IL16: variants seen among roughly 807,000 people sequenced by gnomAD.
IL16 encodes the protein interleukin 16.
In IL16, 67 loss-of-function variants were observed where a neutral mutation model predicts 110.1. The ratio of observed to expected loss-of-function variants is 0.61; its 90% CI spans 0.50 to 0.75. The LOEUF (loss-of-function observed/expected upper bound fraction) is 0.75. Ranked by LOEUF, IL16 falls within the 30% of genes least tolerant of loss-of-function variation. IL16 has a pLI of 0.00. For synonymous variants in IL16, 689 were observed against 662.9 expected, an observed-to-expected ratio of 1.04 and a Z score of -0.61; for missense variants, 1,545 against 1,655.0, an observed-to-expected ratio of 0.93 and a Z score of 1.15.
rs1898088135 is a variant in IL16 at position 81,259,877 on chromosome 15, A to G, written c.418A>G (p.Thr140Ala). 6.3e-7 allele frequency: 1 copy of G among 1,585,982 alleles called. No individual in the cohort carries two copies. The highest frequency in any genetic ancestry group is 1.7e-5 in the Admixed American group (1 of 59,954). ...CCACCAAAGGGCACGCAGCAACTCA[A>G]CCAGTAAGTGTCTTCCCAACATGTC... The part of the protein sequence containing the change: ...ACHQRARSNS[T>A]SVNPYCTREI... Residue 140 changes from threonine to alanine, a missense_variant, in exon 3 of 19, where the codon ACC (threonine) becomes GCC (alanine). Thr to Ala is a moderately conservative substitution (Grantham distance 58, BLOSUM62 0). Coordinates refer to ENST00000683961, the MANE Select transcript of IL16 (RefSeq NM_172217.5).
chr15:81,280,035 CAG>C (rs143652892), intron 8 of IL16, among the ~76,000 whole-genome samples: 19 of 151,130 alleles, frequency 1.3e-4, no homozygotes, highest in Non-Finnish European at 1.6e-4. Context: ...CAAAAATACC[CAG>C]AGAGAGAGAG....
intron 12 of IL16, among the ~76,000 whole-genome samples, chr15:81,296,053 CA>C (rs1189390457): frequency 6.6e-6 from 1 of 152,048 alleles, no homozygotes; most frequent in Non-Finnish European, 1.5e-5. Context: ...TCTTTTTTTC[CA>C]GATGGGTATT....
At chr15:81,204,269 C>T (rs1895929402) in intron 1 of IL16, among the ~76,000 whole-genome samples, 1 of 151,778 alleles carries the variant, frequency 6.6e-6, no homozygotes, top group South Asian at 2.1e-4. Flanking sequence ...CATCTGCAAA[C>T]AGGGACAATT....
In IL16 at chr15:81,259,866, G is replaced by A. The variant is rs1390094848; in HGVS notation, c.407G>A (p.Arg136His). 9.3e-6 allele frequency: 15 copies of A among 1,607,690 alleles called. No homozygotes were observed. The highest frequency in any genetic ancestry group is 8.9e-5 in the East Asian group (4 of 44,858). The stretch of plus-strand genomic sequence containing the variant: ...CCTAAAGCCTGCCACCAAAGGGCAC[G>A]CAGCAACTCAACCAGTAAGTGTCTT... Reference protein sequence around the residue: ...LFPKACHQRARSNSTSVNPYC... With the variant: ...LFPKACHQRAHSNSTSVNPYC... The change falls in exon 3 of 19, where the codon CGC becomes CAC. Residue 136 changes from arginine to histidine, a missense_variant. Arg to His is a conservative substitution (Grantham distance 29). Around this residue, in one of 3 missense-constraint regions of IL16, gnomAD observed 1,185 missense variants for 1,238.8 expected, o/e 0.96. Transcript: ENST00000683961.
chr15:81,299,452 C>T lies in IL16; in HGVS notation c.2126C>T (p.Thr709Ile), dbSNP rs762489562. The T allele has an allele frequency of 1.5e-5, 25 of 1,614,224 alleles. No homozygotes were observed. Among genetic ancestry groups the T allele is most frequent in the Non-Finnish European group, 2.1e-5 (25 of 1,180,050 alleles). The change falls in exon 14 of 19, where the codon ACA (threonine) becomes ATA (isoleucine). Residue 709 changes from threonine to isoleucine, a missense_variant. Physicochemically the swap from Thr to Ile is moderately conservative, Grantham distance 89 (BLOSUM62 -1). Coordinates refer to ENST00000683961, the MANE Select transcript of IL16 (RefSeq NM_172217.5). ...QARMDYSFDT[T>I]AEDPWVRISD... ...CGGATGGACTATAGCTTTGATACCACAGCCGAAGACCCTTGGGTTAGGATT... is the reference window on the plus strand; with the variant it reads ...CGGATGGACTATAGCTTTGATACCATAGCCGAAGACCCTTGGGTTAGGATT...
At position 81,292,734 on chromosome 15, in the gene IL16, G is replaced by T; in HGVS notation, c.1599G>T (p.Pro533=). The T allele has an allele frequency of 6.2e-7, 1 of 1,614,180 alleles. No individual in the cohort carries two copies. The highest frequency in any genetic ancestry group is 8.5e-7 in the Non-Finnish European group (1 of 1,180,034). The change falls in exon 12 of 19, where the codon CCG becomes CCT. Residue 533 remains proline (P), a synonymous_variant. Transcript: ENST00000683961. ...GSPGSGSAEK[P]SSDVDISTHS... is the part of the protein sequence containing the mutation. Reference sequence around the variant, plus strand: ...CTGGGAGTGGCAGTGCTGAGAAGCCGTCCTCTGACGTGGACATCAGCACAC... The same window carrying T: ...CTGGGAGTGGCAGTGCTGAGAAGCCTTCCTCTGACGTGGACATCAGCACAC...
At chr15:81,223,045 C>T (rs987007355) in intron 1 of IL16, among the ~76,000 whole-genome samples, 3 of 152,114 alleles carry the variant, frequency 2.0e-5, no homozygotes, top group African/African-American at 7.2e-5. Flanking sequence ...AAGCTTAAAA[C>T]GTATGTATTC....
chr15:81,285,226 A>G (rs556916116), intron 9 of IL16, among the ~76,000 whole-genome samples: 1 of 152,238 alleles, frequency 6.6e-6, no homozygotes, highest in African/African-American at 2.4e-5. Context: ...CTTTTAGCAC[A>G]TGTAGGATGT....
chr15:81,307,834 C>T (rs1900649546), intron 18 of IL16, among the ~76,000 whole-genome samples: 1 of 152,192 alleles, frequency 6.6e-6, no homozygotes, highest in East Asian at 1.9e-4. Context: ...TTGGTTTCCT[C>T]AGCTGTTAAA....
intron 2 of IL16, among the ~76,000 whole-genome samples, chr15:81,237,376 A>G (rs1247315047): frequency 6.6e-6 from 1 of 152,210 alleles, no homozygotes; most frequent in Non-Finnish European, 1.5e-5. Flanking sequence ...CCAGTTTAGA[A>G]GAATGTCTGA....
chr15:81,184,929 T>G (rs1895396612), intron 1 of IL16, among the ~76,000 whole-genome samples: 2 of 152,176 alleles, frequency 1.3e-5, no homozygotes, highest in Non-Finnish European at 2.9e-5. Context: ...GGATGTGTCC[T>G]CAATAATAGT....
intron 2 of IL16, among the ~76,000 whole-genome samples, chr15:81,226,147 A>G (rs900010603): frequency 6.6e-5 from 10 of 152,294 alleles, no homozygotes; most frequent in Admixed American, 5.9e-4. Flanking sequence ...GGGGTGCCGG[A>G]TGAGTGAGTT....
At chr15:81,286,753 G>A (rs1230504745) in intron 10 of IL16, among the ~76,000 whole-genome samples, 1 of 152,122 alleles carries the variant, frequency 6.6e-6, no homozygotes, top group South Asian at 2.1e-4. Context: ...GAAAAGAGAA[G>A]GGGCAATGTA....
chr15:81,271,046 C>T (rs142937540), intron 5 of IL16, among the ~76,000 whole-genome samples: 1 of 152,202 alleles, frequency 6.6e-6, no homozygotes, highest in East Asian at 1.9e-4. Context: ...CACAATAAAA[C>T]CAGCCACCAA....
intron 1 of IL16, among the ~76,000 whole-genome samples, chr15:81,208,582 G>A (rs1257475861): frequency 6.6e-6 from 1 of 152,176 alleles, no homozygotes; most frequent in Non-Finnish European, 1.5e-5. Flanking sequence ...TGCCCACCTT[G>A]GCCTCCCAAA....
chr15:81,292,297 C>T (rs1345246070), intron 11 of IL16: 2 of 519,072 alleles, frequency 3.9e-6, no homozygotes, highest in Non-Finnish European at 7.1e-6. Flanking sequence ...AGCCCTTCCT[C>T]GATGGGTGAT....
chr15:81,300,536 T>C, intron 14 of IL16, 61 bp downstream of exon 14: 2 of 1,109,280 alleles, frequency 1.8e-6, no homozygotes, highest in Non-Finnish European at 2.6e-6. Flanking sequence ...CTCATCTTTA[T>C]TTTTAAAAAT....
intron 11 of IL16, 150 bp from the exon 12 acceptor site, chr15:81,292,406 G>A: frequency 1.7e-6 from 2 of 1,162,118 alleles, no homozygotes; most frequent in Admixed American, 3.4e-5. Flanking sequence ...CCAACACCAA[G>A]ACTGCCATAC....
intron 1 of IL16, among the ~76,000 whole-genome samples, chr15:81,217,186 G>A (rs1896464326): frequency 6.6e-6 from 1 of 152,144 alleles, no homozygotes; most frequent in Non-Finnish European, 1.5e-5. Flanking sequence ...GACAAAGCAA[G>A]GCAAACAGAA....
Sources: gnomAD v4.1 joint callset for allele counts (sites outside exome capture counted in the v4.1 genomes callset) on GRCh38, gnomAD v4.1.1 for gene constraint, gnomAD v4.1.1 regional missense constraint, MANE v1.5 for transcripts, NCBI Gene and HGNC (gene_info 2026-07-23, HGNC 2026-07-21) for gene names.